PSMD13: variants seen among roughly 807,000 people sequenced by gnomAD.
PSMD13 encodes proteasome 26S subunit, non-ATPase 13.
PSMD13 carries 8 observed loss-of-function variants against 57.4 expected under a neutral mutation model. That is an observed-to-expected ratio of 0.14 (90% CI 0.08 to 0.25). The LOEUF is 0.25. Among genes scored for constraint, PSMD13 ranks in the 10% least tolerant of loss-of-function variants. The pLI, the probability that PSMD13 is intolerant of heterozygous loss-of-function variation, is 1.00. For missense variants in PSMD13, 400 were observed against 461.5 expected (o/e 0.87, Z 1.22); for synonymous variants, 193 against 168.2 (o/e 1.15, Z -1.14).
chr11:245,695 CGTGTGTTTGTGTGTGTTTGTGTGT>C (rs202038854), intron 6 of PSMD13, among the ~76,000 whole-genome samples: 21,025 of 127,334 alleles, frequency 0.17, 1,803 homozygotes, highest in South Asian at 0.38. Context: ...CATGTGTGTT[CGTGTGTTTGTGTGTGTTTGTGTGT>C]GTGTGTTTGT....
At chr11:249,078 A>T in intron 9 of PSMD13, 21 bp downstream of exon 9, 2 of 1,608,630 alleles carry the variant, frequency 1.2e-6, no homozygotes, top group South Asian at 2.2e-5. Context: ...CACGATGCCC[A>T]GCCCTTATTC....
chr11:249,189 C>G (rs1466255464), intron 9 of PSMD13, 132 bp downstream of exon 9: 2 of 1,300,506 alleles, frequency 1.5e-6, no homozygotes, highest in East Asian at 4.9e-5. Context: ...TAGGCTAGTC[C>G]TTGCTCTCAT....
intron 7 of PSMD13, chr11:248,473 C>A: frequency 2.7e-6 from 1 of 372,986 alleles, no homozygotes; most frequent in Non-Finnish European, 4.9e-6. Context: ...AAATTTATTC[C>A]TTGCCATAGC....
chr11:248,831 G>C lies in PSMD13; in HGVS notation c.624G>C (p.Glu208Asp). ...FTLGLAGLLGEGVFNFGELLM... is the reference protein window; with the variant it reads ...FTLGLAGLLGDGVFNFGELLM... ...TGGGGCTAGCAGGACTTCTCGGCGAGGGAGTTTTTAACTTTGGAGAACTCG... is the reference window on the plus strand; with the variant it reads ...TGGGGCTAGCAGGACTTCTCGGCGACGGAGTTTTTAACTTTGGAGAACTCG... The change falls in exon 8 of 13, where the codon GAG becomes GAC. Residue 208 changes from glutamate to aspartate, a missense_variant. Glu to Asp is a conservative substitution (Grantham distance 45). Coordinates refer to ENST00000532097, the MANE Select transcript of PSMD13 (RefSeq NM_002817.4). 6.2e-7 allele frequency: 1 copy of C among 1,614,174 alleles called. No homozygotes were observed. The highest frequency in any genetic ancestry group is 8.5e-7 in the Non-Finnish European group (1 of 1,180,038).
At chr11:246,911 T>G (rs1859659610) in intron 6 of PSMD13, among the ~76,000 whole-genome samples, 1 of 152,236 alleles carries the variant, frequency 6.6e-6, no homozygotes, top group Non-Finnish European at 1.5e-5. Flanking sequence ...GTAAGTGTTT[T>G]TATATTTCCT....
chr11:245,936 C>G (rs1859638691), intron 6 of PSMD13, among the ~76,000 whole-genome samples: 1 of 152,090 alleles, frequency 6.6e-6, no homozygotes, highest in African/African-American at 2.4e-5. Flanking sequence ...AATAGGCATC[C>G]ATGTGCCCCA....
rs775386154 is a variant in PSMD13 at position 244,769 on chromosome 11, C to T, written c.396+8C>T. 6.4e-7 allele frequency: 1 copy of T among 1,559,080 alleles called. No homozygotes were observed. The highest frequency in any genetic ancestry group is 1.4e-5 in the African/African-American group (1 of 72,774). ...GACCTACAGGTTACAAAGGTGAGAT[C>T]ACCATAATACAGATTTATCTTTGGT... On this transcript the variant is annotated splice_region_variant and intron_variant, in intron 6 of 12. Transcript: ENST00000532097.
At position 237,594 on chromosome 11, in the gene PSMD13, TA is replaced by T. The variant is rs1393758920; in HGVS notation, c.95+451del. Among the ~76,000 whole-genome samples, 3 of 152,236 alleles carry T rather than the reference TA, an allele frequency of 2.0e-5. No individual in the cohort carries two copies. In the East Asian group the frequency reaches 5.8e-4, roughly 29 times the overall value. On this transcript the variant is annotated intron_variant, in intron 1 of 12. Transcript: ENST00000532097. ...GTCATAGTGTAACTGTATCTACAGT[TA>T]TCTTTCTCATGGTCTGGAGTTGATA...
chr11:248,181 A>C (rs559422), intron 7 of PSMD13: 9,820 of 153,046 alleles, frequency 0.064, 413 homozygotes, highest in Non-Finnish European at 0.084. Flanking sequence ...TCTTTCAAGG[A>C]TTTGAGAGTG....
Position 244,093 on chromosome 11 carries a change from G to A in PSMD13, c.209+18G>A, listed in dbSNP as rs577031843. ...GAACACAGGTAAAAGCCTCTCATCC[G>A]TTTTTCACTTTGAAAATGAGTGCAT... On this transcript the variant is annotated intron_variant, in intron 3 of 12. Transcript: ENST00000532097. 1.1e-5 allele frequency: 18 copies of A among 1,609,156 alleles called. No homozygotes were observed. The highest frequency in any genetic ancestry group is 7.7e-5 in the South Asian group (7 of 90,460).
intron 1 of PSMD13, among the ~76,000 whole-genome samples, chr11:237,624 C>T (rs542591035): frequency 3.3e-5 from 5 of 152,196 alleles, no homozygotes; most frequent in Non-Finnish European, 7.3e-5. Context: ...GTTGATAAAC[C>T]AGAGGCTAGT....
At chr11:248,359 A>G (rs923823257) in intron 7 of PSMD13, among the ~76,000 whole-genome samples, 2 of 152,220 alleles carry the variant, frequency 1.3e-5, no homozygotes, top group African/African-American at 4.8e-5. Context: ...CAAGAAAAAT[A>G]TATCGGAAAA....
chr11:243,852 A>G (rs987546251), intron 2 of PSMD13, among the ~76,000 whole-genome samples, 189 bp from the exon 3 acceptor site: 1 of 152,218 alleles, frequency 6.6e-6, no homozygotes, highest in African/African-American at 2.4e-5. Context: ...TGTGAATGTA[A>G]GTAAGCCCTG....
chr11:249,355 G>C (rs1052957718), intron 9 of PSMD13, among the ~76,000 whole-genome samples: 1 of 152,024 alleles, frequency 6.6e-6, no homozygotes, highest in African/African-American at 2.4e-5. Context: ...AGTGACCTAA[G>C]GTCTGTGTGA....
intron 2 of PSMD13, among the ~76,000 whole-genome samples, chr11:242,246 T>A (rs1024378036): frequency 1.3e-5 from 2 of 148,780 alleles, no homozygotes; most frequent in African/African-American, 5.0e-5. Context: ...GTCTTACACG[T>A]TCTATGTTGT....
Position 251,152 on chromosome 11 carries a change from A to C in PSMD13, c.837+287A>C. On this transcript the variant is annotated intron_variant, in intron 10 of 12. Transcript: ENST00000532097. This position sits in a 1 kb window ranked among gnomAD's most constrained non-coding sequence, Gnocchi z 4.6. ...GTAGCTGCCCCTCTCCCCGTGATGCAGTTGTTGCCTCATTGCATGTCGCTT... is the reference window on the plus strand; with the variant it reads ...GTAGCTGCCCCTCTCCCCGTGATGCCGTTGTTGCCTCATTGCATGTCGCTT... 1 of 473,784 alleles carries C rather than the reference A, an allele frequency of 2.1e-6. No homozygotes were observed. Among genetic ancestry groups the C allele is most frequent in the Non-Finnish European group, 3.8e-6 (1 of 260,200 alleles). 29.3% of individuals were successfully genotyped at this position (473,784 alleles called of 1,614,324 possible). A position where few individuals can be genotyped will look rare whatever the true frequency, so the allele number is the denominator to read the frequency against.
At chr11:243,256 G>A in intron 2 of PSMD13, 1 of 464,526 alleles carries the variant, frequency 2.2e-6, no homozygotes, top group Non-Finnish European at 4.3e-6. Context: ...GATAGAGGCT[G>A]CCATTTTCCT....
intron 7 of PSMD13, chr11:248,126 GT>G (rs950701064): frequency 1.6e-4 from 23 of 140,736 alleles, no homozygotes; most frequent in Admixed American, 8.7e-4. Flanking sequence ...TGAGACCCTT[GT>G]TTTGAAAACT....
At chr11:243,237 A>G in intron 2 of PSMD13, 3 of 534,534 alleles carry the variant, frequency 5.6e-6, no homozygotes, top group Non-Finnish European at 7.4e-6. Flanking sequence ...CGTGGTGGGA[A>G]ATGTACAAGA....
Sources: allele counts gnomAD v4.1 joint callset (sites outside exome capture counted in the v4.1 genomes callset), GRCh38; gene constraint gnomAD v4.1.1; non-coding constraint Gnocchi (gnomAD v3.1); transcripts MANE v1.5; gene names NCBI Gene and HGNC (gene_info 2026-07-23, HGNC 2026-07-21).